LHFPL3: variants seen among roughly 807,000 people sequenced by gnomAD.
LHFPL3 encodes LHFPL tetraspan subfamily member 3.
In LHFPL3, 5 loss-of-function variants were observed where a neutral mutation model predicts 19.3. The ratio of observed to expected loss-of-function variants is 0.26; its 90% CI spans 0.14 to 0.54. The LOEUF (loss-of-function observed/expected upper bound fraction) is 0.54. Among genes scored for constraint, LHFPL3 ranks in the 20% least tolerant of loss-of-function variants. LHFPL3 has a pLI of 0.94. For missense variants in LHFPL3, 249 were observed against 307.4 expected (o/e 0.81, Z 1.42); for synonymous variants, 133 against 126.2 (o/e 1.05, Z -0.36).
chr7:104,869,333 T>G (rs181497231), intron 2 of LHFPL3, among the ~76,000 whole-genome samples: 233 of 152,268 alleles, frequency 1.5e-3, no homozygotes, highest in African/African-American at 5.2e-3. Context: ...TTTTTTGCAA[T>G]CTACTTATCT....
chr7:104,870,573 C>G (rs1279590383), intron 2 of LHFPL3, among the ~76,000 whole-genome samples: 2 of 152,176 alleles, frequency 1.3e-5, no homozygotes, highest in African/African-American at 4.8e-5. Context: ...GAAAGTTTCA[C>G]GAAGCTTTCA....
At chr7:104,491,096 A>G (rs999401914) in intron 1 of LHFPL3, among the ~76,000 whole-genome samples, 1 of 152,164 alleles carries the variant, frequency 6.6e-6, no homozygotes, top group Non-Finnish European at 1.5e-5. Context: ...AACAGAAGCC[A>G]TGGGCCTCAG....
chr7:104,772,547 G>C (rs531206813), intron 2 of LHFPL3, among the ~76,000 whole-genome samples: 1 of 152,294 alleles, frequency 6.6e-6, no homozygotes, highest in South Asian at 2.1e-4. Context: ...TTCTTATTCT[G>C]ATGCCACCCC....
At chr7:104,395,386 A>C (rs1791162378) in intron 1 of LHFPL3, among the ~76,000 whole-genome samples, 1 of 152,208 alleles carries the variant, frequency 6.6e-6, no homozygotes, top group Non-Finnish European at 1.5e-5. Flanking sequence ...TTCTTTTAGT[A>C]CATTCAGTGA....
At chr7:104,632,142 CTTCATATTTAGCCTA>C (rs1791655586) in intron 1 of LHFPL3, among the ~76,000 whole-genome samples, 1 of 152,144 alleles carries the variant, frequency 6.6e-6, no homozygotes, top group Non-Finnish European at 1.5e-5. Context: ...CAGGCTCAAC[CTTCATATTTAGCCTA>C]TCCTTTAAAT....
intron 1 of LHFPL3, among the ~76,000 whole-genome samples, chr7:104,593,747 G>C (rs371332000): frequency 6.6e-6 from 1 of 152,104 alleles, no homozygotes; most frequent in African/African-American, 2.4e-5. Flanking sequence ...TATATATTTA[G>C]GATAGTTAGC....
chr7:104,421,222 A>C (rs1791727078), intron 1 of LHFPL3, among the ~76,000 whole-genome samples: 1 of 152,240 alleles, frequency 6.6e-6, no homozygotes, highest in Non-Finnish European at 1.5e-5. Context: ...ATGCTTGAAA[A>C]GTTTTAAGTA....
chr7:104,746,419 C>T lies in LHFPL3; in HGVS notation c.682+9508C>T, dbSNP rs4377896. Among the ~76,000 whole-genome samples, 5 of 152,088 alleles carry T rather than the reference C, an allele frequency of 3.3e-5. No individual in the cohort carries two copies. In the East Asian group the frequency reaches 9.6e-4, roughly 29 times the overall value. ...CTCCCCAGGAGGTTCCAATGCACAG[C>T]CAGTATTGAGGACCAATGAAGTCAC... On this transcript the variant is annotated intron_variant, in intron 2 of 2. Coordinates refer to ENST00000424859, the MANE Select transcript of LHFPL3 (RefSeq NM_199000.3).
chr7:104,534,784 G>C (rs78216381), intron 1 of LHFPL3, among the ~76,000 whole-genome samples: 4,035 of 152,126 alleles, frequency 0.027, 175 homozygotes, highest in African/African-American at 0.092. Flanking sequence ...ATGCATTTTA[G>C]TTTTACACTA....
intron 1 of LHFPL3, among the ~76,000 whole-genome samples, chr7:104,494,761 G>A (rs1313545363): frequency 6.6e-6 from 1 of 152,090 alleles, no homozygotes; most frequent in East Asian, 1.9e-4. Context: ...AGGTGGTCTT[G>A]GTAAATAGGA....
chr7:104,536,477 T>C (rs1021482769), intron 1 of LHFPL3, among the ~76,000 whole-genome samples: 5 of 152,228 alleles, frequency 3.3e-5, no homozygotes, highest in African/African-American at 9.6e-5. Context: ...CCCCCACGTA[T>C]GATTTTCCAC....
At chr7:104,787,554 G>A (rs1789941038) in intron 2 of LHFPL3, among the ~76,000 whole-genome samples, 2 of 152,144 alleles carry the variant, frequency 1.3e-5, no homozygotes, top group Non-Finnish European at 1.5e-5. Flanking sequence ...GAGAGATAAC[G>A]AAAATCTCTT....
Position 104,404,160 on chromosome 7 carries a change from G to T in LHFPL3, c.445+74936G>T, listed in dbSNP as rs576190332. ...TCTAGAGAGATAATAGAGTACTACC[G>T]TGCTGTAGATGAGAATGAGATCTTG... On this transcript the variant is annotated intron_variant, in intron 1 of 2. Coordinates refer to ENST00000424859, the MANE Select transcript of LHFPL3 (RefSeq NM_199000.3). Among the ~76,000 whole-genome samples, 5 of 152,206 alleles carry T rather than the reference G, an allele frequency of 3.3e-5. No homozygotes were observed. The South Asian group carries it at 1.0e-3, about 32-fold the overall frequency.
At chr7:104,696,945 A>G (rs574844045) in intron 1 of LHFPL3, among the ~76,000 whole-genome samples, 9 of 152,328 alleles carry the variant, frequency 5.9e-5, no homozygotes, top group Admixed American at 1.3e-4. Flanking sequence ...ATTTCTCACA[A>G]TTCTGGAGCT....
intron 1 of LHFPL3, among the ~76,000 whole-genome samples, chr7:104,587,914 T>C (rs1790615277): frequency 6.6e-6 from 1 of 152,392 alleles, no homozygotes; most frequent in African/African-American, 2.4e-5. Context: ...TGCATAAATC[T>C]CTTCTTTTGA....
At chr7:104,621,074 A>G (rs1791438419) in intron 1 of LHFPL3, among the ~76,000 whole-genome samples, 1 of 152,062 alleles carries the variant, frequency 6.6e-6, no homozygotes, top group Non-Finnish European at 1.5e-5. Context: ...CAAAATGAGA[A>G]CTCAGATTTT....
intron 1 of LHFPL3, among the ~76,000 whole-genome samples, chr7:104,422,867 T>A (rs547664505): frequency 9.0e-4 from 137 of 152,372 alleles, no homozygotes; most frequent in Non-Finnish European, 1.5e-3. Context: ...TAAGATGGAA[T>A]TAGCACCTGT....
intron 1 of LHFPL3, among the ~76,000 whole-genome samples, chr7:104,520,857 G>T (rs1794043958): frequency 6.8e-6 from 1 of 148,104 alleles, no homozygotes; most frequent in Non-Finnish European, 1.5e-5. Context: ...TATTAGTCTT[G>T]CTAGCGGTCT....
At chr7:104,810,364 C>G (rs184539223) in intron 2 of LHFPL3, among the ~76,000 whole-genome samples, 14 of 151,992 alleles carry the variant, frequency 9.2e-5, no homozygotes, top group Admixed American at 7.9e-4. Flanking sequence ...GCAGAGGAAC[C>G]GGGGGAAAGG....
Sources: gnomAD v4.1 joint callset for allele counts (sites outside exome capture counted in the v4.1 genomes callset) on GRCh38, gnomAD v4.1.1 for gene constraint, MANE v1.5 for transcripts, NCBI Gene and HGNC (gene_info 2026-07-23, HGNC 2026-07-21) for gene names.